Variants in LHFPL3 observed in about 807,000 individuals in gnomAD.
The protein encoded by LHFPL3 is LHFPL tetraspan subfamily member 3 protein.
A neutral mutation model predicts 19.3 loss-of-function variants in LHFPL3; 5 were observed. The observed-to-expected ratio is 0.26, with a 90% CI of 0.14 to 0.54. The LOEUF (loss-of-function observed/expected upper bound fraction) is 0.54, where lower values mean the gene tolerates loss of function less well. Among genes scored for constraint, LHFPL3 ranks in the 20% least tolerant of loss-of-function variants. The pLI is 0.94. For synonymous variants in LHFPL3, 133 were observed against 126.2 expected (o/e 1.05, Z -0.36); for missense variants, 249 against 307.4 (o/e 0.81, Z 1.42).
chr7:104,586,943 G>A (rs189425212), intron 1 of LHFPL3, among the ~76,000 whole-genome samples: 48 of 152,182 alleles, frequency 3.2e-4, no homozygotes, highest in Admixed American at 1.7e-3. Flanking sequence ...GAAAGATTAT[G>A]TATCATTTTT....
intron 1 of LHFPL3, among the ~76,000 whole-genome samples, chr7:104,717,199 C>T (rs1411265401): frequency 6.6e-6 from 1 of 152,082 alleles, no homozygotes; most frequent in East Asian, 1.9e-4. Context: ...AACTGTAAAA[C>T]TCTGAGAAGA....
At chr7:104,872,978 G>A (rs1198116512) in intron 2 of LHFPL3, among the ~76,000 whole-genome samples, 1 of 152,174 alleles carries the variant, frequency 6.6e-6, no homozygotes, top group African/African-American at 2.4e-5. Flanking sequence ...CAGTAGATTT[G>A]TTTACACCAG....
chr7:104,336,139 C>A (rs962130469), intron 1 of LHFPL3, among the ~76,000 whole-genome samples: 1 of 152,046 alleles, frequency 6.6e-6, no homozygotes, highest in African/African-American at 2.4e-5. Context: ...CATAATGAGT[C>A]AACTGGAATT....
intron 2 of LHFPL3, among the ~76,000 whole-genome samples, chr7:104,763,395 A>T (rs1486113197): frequency 6.6e-6 from 1 of 152,240 alleles, no homozygotes; most frequent in Admixed American, 6.5e-5. Context: ...AATGAACAGG[A>T]CTTGATTTCA....
intron 1 of LHFPL3, among the ~76,000 whole-genome samples, chr7:104,518,850 A>AGATAG (rs748597414): frequency 1.4e-4 from 20 of 139,980 alleles, no homozygotes; most frequent in African/African-American, 2.9e-4. Flanking sequence ...TAGATAGAAT[A>AGATAG]AATAAAAAAA....
rs948632384 is a variant in LHFPL3 at position 104,669,207 on chromosome 7, T to C, written c.446-67468T>C. The C allele has an allele frequency of 6.8e-6, 11 of 1,613,844 alleles. No individual in the cohort carries two copies. In the Admixed American group the frequency reaches 1.5e-4, roughly 22 times the overall value. ...AGAATGCTTGGGTGAAGCGAAGTTC[T>C]AACCCTCCTGCTCGATCTCAGAGCT... On this transcript the variant is annotated intron_variant, in intron 1 of 2. Transcript: ENST00000424859.
chr7:104,402,470 G>C (rs1562886876), intron 1 of LHFPL3, among the ~76,000 whole-genome samples: 1 of 152,190 alleles, frequency 6.6e-6, no homozygotes, highest in Admixed American at 6.5e-5. Context: ...ACTAATTTGG[G>C]ATAAATATTA....
chr7:104,398,020 T>A (rs1291874210), intron 1 of LHFPL3, among the ~76,000 whole-genome samples: 1 of 152,100 alleles, frequency 6.6e-6, no homozygotes, highest in Non-Finnish European at 1.5e-5. Flanking sequence ...ATCCAACTCC[T>A]TTTCATTTTT....
At chr7:104,815,370 TG>T (rs1307503518) in intron 2 of LHFPL3, among the ~76,000 whole-genome samples, 2 of 152,120 alleles carry the variant, frequency 1.3e-5, no homozygotes, top group Non-Finnish European at 2.9e-5. Flanking sequence ...GAGGGACATG[TG>T]GGGTTTCCAG....
At chr7:104,385,099 C>T (rs544326410) in intron 1 of LHFPL3, among the ~76,000 whole-genome samples, 6 of 152,066 alleles carry the variant, frequency 3.9e-5, no homozygotes, top group East Asian at 1.9e-4. Flanking sequence ...TGGTGACTCA[C>T]GCCTGTAATC....
rs149461379 is a variant in LHFPL3 at position 104,690,980 on chromosome 7, T to A, written c.446-45695T>A. On this transcript the variant is annotated intron_variant, in intron 1 of 2. Coordinates refer to ENST00000424859, the MANE Select transcript of LHFPL3 (RefSeq NM_199000.3). ...AAAGCCTTTGGAAGGCCCCCATAGA[T>A]GAATCACAGCGGAGGCCTCTAGGAT... 2.9e-3 allele frequency among the ~76,000 whole-genome samples: 437 copies of A among 152,322 alleles called. 1 individual carries two copies. Among genetic ancestry groups the A allele is most frequent in the African/African-American group, 0.01 (418 of 41,576 alleles).
At chr7:104,614,103 G>T (rs929542679) in intron 1 of LHFPL3, among the ~76,000 whole-genome samples, 3 of 152,160 alleles carry the variant, frequency 2.0e-5, no homozygotes, top group Non-Finnish European at 1.5e-5. Flanking sequence ...CAAAAAGGCA[G>T]AGAATGTTTT....
At chr7:104,731,081 C>T (rs1479874851) in intron 1 of LHFPL3, among the ~76,000 whole-genome samples, 1 of 152,126 alleles carries the variant, frequency 6.6e-6, no homozygotes, top group Non-Finnish European at 1.5e-5. Context: ...TTTCTGAGGG[C>T]TCTGTTCTGT....
intron 2 of LHFPL3, among the ~76,000 whole-genome samples, chr7:104,882,416 T>A (rs1792074895): frequency 6.6e-6 from 1 of 152,014 alleles, no homozygotes; most frequent in Non-Finnish European, 1.5e-5. Context: ...CCCAGCTAAT[T>A]TTTGTATTTT....
chr7:104,582,898 T>A (rs1196027946), intron 1 of LHFPL3, among the ~76,000 whole-genome samples: 1 of 151,996 alleles, frequency 6.6e-6, no homozygotes, highest in East Asian at 1.9e-4. Flanking sequence ...AAATTTAAAA[T>A]CACAGAGTAC....
At chr7:104,448,987 G>T (rs967786622) in intron 1 of LHFPL3, among the ~76,000 whole-genome samples, 2 of 152,154 alleles carry the variant, frequency 1.3e-5, no homozygotes, top group Non-Finnish European at 2.9e-5. Flanking sequence ...TTTCACAAAC[G>T]AAGTGCCTTT....
At chr7:104,445,267 A>C (rs891446423) in intron 1 of LHFPL3, among the ~76,000 whole-genome samples, 1 of 152,202 alleles carries the variant, frequency 6.6e-6, no homozygotes, top group African/African-American at 2.4e-5. Flanking sequence ...CAGAAGCTTC[A>C]GTATATAGTG....
chr7:104,392,133 A>G (rs1247897344), intron 1 of LHFPL3, among the ~76,000 whole-genome samples: 2 of 152,186 alleles, frequency 1.3e-5, no homozygotes, highest in Non-Finnish European at 2.9e-5. Context: ...ATCTGCAAAC[A>G]GGGACAATTT....
intron 1 of LHFPL3, among the ~76,000 whole-genome samples, chr7:104,731,868 A>G (rs1488076808): frequency 1.3e-5 from 2 of 152,042 alleles, no homozygotes; most frequent in Non-Finnish European, 2.9e-5. Flanking sequence ...GTTTGTCATA[A>G]ATAGCTCTTA....
Sources: allele counts gnomAD v4.1 joint callset (sites outside exome capture counted in the v4.1 genomes callset), GRCh38; gene constraint gnomAD v4.1.1; transcripts MANE v1.5; gene names NCBI Gene and HGNC (gene_info 2026-07-23, HGNC 2026-07-21).